The following SOX5 variants were observed in gnomAD, a reference collection of about 807,000 sequenced individuals.
SOX5 encodes the protein transcription factor SOX-5.
In SOX5, 9 loss-of-function variants were observed where a neutral mutation model predicts 92.0. The ratio of observed to expected loss-of-function variants is 0.10; its 90% CI spans 0.06 to 0.17. SOX5 has a LOEUF of 0.17. SOX5 is among the 10% of genes least tolerant of loss of function. The pLI is 1.00. For missense variants in SOX5, 642 were observed against 944.5 expected (o/e 0.68, Z 4.20); for synonymous variants, 344 against 336.3 (o/e 1.02, Z -0.25).
rs115023253 is a variant in SOX5 at position 24,261,600 on chromosome 12, C to T, written c.-77+15616G>A. Reference sequence around the variant, plus strand: ...CCCTATAGGAAAAAAAAATCAATGGCACCTCACTATTCACCAAATTAGACA... The same window carrying T: ...CCCTATAGGAAAAAAAAATCAATGGTACCTCACTATTCACCAAATTAGACA... On this transcript the variant is annotated intron_variant, in intron 3 of 4. Coordinates refer to the SOX5 transcript ENST00000446891. Among the ~76,000 whole-genome samples, 697 of 152,300 alleles carry T rather than the reference C, an allele frequency of 4.6e-3. 4 individuals are homozygous for T. Among genetic ancestry groups the T allele is most frequent in the African/African-American group, 0.016 (655 of 41,552 alleles).
chr12:23,936,433 A>C (rs1388654471), intron 1 of SOX5, among the ~76,000 whole-genome samples: 1 of 151,034 alleles, frequency 6.6e-6, no homozygotes, highest in Non-Finnish European at 1.5e-5. Flanking sequence ...GACAGTATTC[A>C]TGAGGTAAAC....
intron 4 of SOX5, among the ~76,000 whole-genome samples, chr12:24,007,173 G>T (rs1285692359): frequency 1.9e-4 from 9 of 46,566 alleles, no homozygotes; most frequent in Non-Finnish European, 3.8e-4. Context: ...ATTTATATAT[G>T]TATTTATATA....
intron 3 of SOX5, among the ~76,000 whole-genome samples, chr12:24,271,068 C>T (rs952158125): frequency 1.3e-5 from 2 of 152,186 alleles, no homozygotes; most frequent in Non-Finnish European, 2.9e-5. Flanking sequence ...TAAGCAAGGG[C>T]TATAAATTTC....
chr12:23,870,452 G>A (rs932588013), intron 2 of SOX5, among the ~76,000 whole-genome samples: 4 of 151,986 alleles, frequency 2.6e-5, no homozygotes, highest in Non-Finnish European at 5.9e-5. Context: ...TAAACCTAGA[G>A]GCCTTTCAAA....
At chr12:24,550,264 C>G (rs944257608) in intron 1 of SOX5, among the ~76,000 whole-genome samples, 1 of 152,024 alleles carries the variant, frequency 6.6e-6, no homozygotes, top group Admixed American at 6.5e-5. Flanking sequence ...GGAGCAGGGG[C>G]GCCATGATGG....
At chr12:24,059,627 T>C (rs1350345495) in intron 4 of SOX5, among the ~76,000 whole-genome samples, 5 of 152,070 alleles carry the variant, frequency 3.3e-5, no homozygotes, top group East Asian at 1.9e-4. Context: ...CCCCCTCCCA[T>C]AGGAAGCCCA....
intron 9 of SOX5, among the ~76,000 whole-genome samples, chr12:23,602,084 A>G (rs1182004635): frequency 3.9e-5 from 6 of 152,190 alleles, no homozygotes; most frequent in Non-Finnish European, 7.4e-5. Context: ...TAGAAAATTC[A>G]TAAAGGCTCA....
chr12:23,740,184 CTTGACAGGAACTGTAAT>C (rs767421259), intron 5 of SOX5, among the ~76,000 whole-genome samples: 1 of 152,208 alleles, frequency 6.6e-6, no homozygotes, highest in Non-Finnish European at 1.5e-5. Context: ...AACTGGACAA[CTTGACAGGAACTGTAAT>C]TCAACATCAT....
rs561274689 is a variant in SOX5 at position 24,514,967 on chromosome 12, T to C, written c.-251+47362A>G. ...GGTACTAGGCTTAATACCTGGGTGA[T>C]GAAATAATCTGTACAACAAACTCCC... On this transcript the variant is annotated intron_variant, in intron 1 of 4. Transcript: ENST00000446891. 2.6e-5 allele frequency among the ~76,000 whole-genome samples: 4 copies of C among 152,266 alleles called. No homozygotes were observed. The East Asian group carries it at 5.8e-4, about 22-fold the overall frequency.
chr12:23,554,552 T>A (rs569970056), intron 11 of SOX5, among the ~76,000 whole-genome samples: 1 of 152,238 alleles, frequency 6.6e-6, no homozygotes, highest in South Asian at 2.1e-4. Context: ...AATCTCAAGT[T>A]AAAAAATTGT....
chr12:23,715,069 G>A (rs2092382019), intron 6 of SOX5, among the ~76,000 whole-genome samples: 3 of 152,068 alleles, frequency 2.0e-5, no homozygotes. Flanking sequence ...GGAGGCCGAG[G>A]CGGGCGGATC....
chr12:24,305,848 C>T (rs1390031270), intron 2 of SOX5, among the ~76,000 whole-genome samples: 4 of 152,144 alleles, frequency 2.6e-5, no homozygotes, highest in Admixed American at 6.5e-5. Flanking sequence ...CTGCCTGCCT[C>T]GGCCTCCCAA....
At chr12:24,081,905 C>A (rs909332913) in intron 4 of SOX5, among the ~76,000 whole-genome samples, 12 of 151,968 alleles carry the variant, frequency 7.9e-5, no homozygotes, top group African/African-American at 2.9e-4. Context: ...AAGCCTCCAG[C>A]ACCATTTATG....
At chr12:24,177,211 T>G (rs1330591939) in intron 4 of SOX5, among the ~76,000 whole-genome samples, 1 of 152,166 alleles carries the variant, frequency 6.6e-6, no homozygotes, top group Non-Finnish European at 1.5e-5. Context: ...TACCTGCATT[T>G]TTTAGCTGAG....
intron 2 of SOX5, among the ~76,000 whole-genome samples, chr12:23,868,877 T>C (rs916994391): frequency 1.3e-5 from 2 of 152,158 alleles, no homozygotes; most frequent in African/African-American, 2.4e-5. Context: ...GCAATTCGCA[T>C]ACTCCAAACC....
At chr12:23,685,715 T>C (rs1479450) in intron 6 of SOX5, among the ~76,000 whole-genome samples, 150,561 of 151,782 alleles carry the variant, frequency 0.99, 74,687 homozygotes, top group East Asian at 1. Flanking sequence ...CTGGTTCTCC[T>C]TCTCAATACC....
At chr12:23,939,112 G>A (rs893502882) in intron 1 of SOX5, among the ~76,000 whole-genome samples, 5 of 150,892 alleles carry the variant, frequency 3.3e-5, no homozygotes, top group African/African-American at 7.3e-5. Flanking sequence ...TTATTTTTAA[G>A]TCCATTCATA....
intron 4 of SOX5, among the ~76,000 whole-genome samples, chr12:24,027,452 C>T (rs1401020157): frequency 1.3e-5 from 2 of 151,962 alleles, no homozygotes; most frequent in African/African-American, 4.8e-5. Context: ...GCTAGAAACA[C>T]AAGAATTATC....
chr12:24,055,588 G>A (rs1428635649), intron 4 of SOX5, among the ~76,000 whole-genome samples: 1 of 152,112 alleles, frequency 6.6e-6, no homozygotes, highest in Non-Finnish European at 1.5e-5. Flanking sequence ...GTCTTGCTCT[G>A]TACATTTAAA....
Sources: gnomAD v4.1 joint callset for allele counts (sites outside exome capture counted in the v4.1 genomes callset) on GRCh38, gnomAD v4.1.1 for gene constraint, MANE v1.5 for transcripts, NCBI Gene and HGNC (gene_info 2026-07-23, HGNC 2026-07-21) for gene names.